Variants in TMEM178A observed in about 807,000 individuals in gnomAD.
TMEM178A encodes transmembrane protein 178.
TMEM178A carries 12 observed loss-of-function variants against 29.1 expected under a neutral mutation model. The observed-to-expected ratio is 0.41, with a 90% CI of 0.26 to 0.67. The LOEUF is 0.67. Ranked by LOEUF, TMEM178A falls within the 30% of genes least tolerant of loss-of-function variation. The pLI is 0.29. For missense variants in TMEM178A, 366 were observed against 419.1 expected (o/e 0.87, Z 1.11); for synonymous variants, 210 against 187.2 (o/e 1.12, Z -0.99).
At chr2:39,725,059 G>T in the TMEM178A span, among the ~76,000 whole-genome samples, 4 of 152,268 alleles carry the variant, frequency 2.6e-5, no homozygotes, top group South Asian at 2.1e-4. Context: ...CTTAAACAAA[G>T]AATTCTCCAA....
At chr2:39,734,726 A>G in the TMEM178A span, among the ~76,000 whole-genome samples, 1 of 152,300 alleles carries the variant, frequency 6.6e-6, no homozygotes, top group Middle Eastern at 3.4e-3. Context: ...TCCAAAACAG[A>G]ATTTCTGATA....
chr2:39,670,793 T>C (rs1215525233), intron 1 of TMEM178A, among the ~76,000 whole-genome samples: 3 of 152,238 alleles, frequency 2.0e-5, no homozygotes, highest in Non-Finnish European at 4.4e-5. Context: ...ATTGGAGTCA[T>C]AGAAATGACA....
chr2:39,719,900 A>T (rs72936044), downstream of TMEM178A, among the ~76,000 whole-genome samples: 5 of 152,164 alleles, frequency 3.3e-5, no homozygotes, highest in Non-Finnish European at 7.3e-5. Context: ...TTTCTTATAT[A>T]GTCAACAAAT....
intron 1 of TMEM178A, among the ~76,000 whole-genome samples, chr2:39,691,256 C>G (rs1443542222): frequency 6.6e-6 from 1 of 152,170 alleles, no homozygotes; most frequent in Non-Finnish European, 1.5e-5. Context: ...AAGAGATCTT[C>G]TCTGAGACAT....
chr2:39,710,226 A>G (rs937558350), intron 3 of TMEM178A, among the ~76,000 whole-genome samples: 1 of 152,186 alleles, frequency 6.6e-6, no homozygotes, highest in South Asian at 2.1e-4. Context: ...CAAAAACCCA[A>G]ACAATAAACT....
the TMEM178A span, among the ~76,000 whole-genome samples, chr2:39,725,968 A>G: frequency 2.0e-5 from 3 of 152,172 alleles, no homozygotes; most frequent in Admixed American, 2.0e-4. Context: ...TCACATCTCT[A>G]TAGAGCACCT....
downstream of TMEM178A, among the ~76,000 whole-genome samples, chr2:39,721,317 A>C (rs1474591637): frequency 6.6e-6 from 1 of 152,216 alleles, no homozygotes; most frequent in Non-Finnish European, 1.5e-5. Flanking sequence ...CAAGATTTCT[A>C]ATTGTCCTAA....
At chr2:39,727,300 G>A in the TMEM178A span, among the ~76,000 whole-genome samples, 1 of 152,144 alleles carries the variant, frequency 6.6e-6, no homozygotes, top group Non-Finnish European at 1.5e-5. Context: ...TAACTGCCTG[G>A]TAGCTAAGTA....
intron 1 of TMEM178A, among the ~76,000 whole-genome samples, chr2:39,676,241 GC>G (rs1670618669): frequency 6.6e-6 from 1 of 152,234 alleles, no homozygotes. Flanking sequence ...AAATGGCTTA[GC>G]CTACAAGGAA....
chr2:39,705,660 C>T (rs893347413), intron 2 of TMEM178A, among the ~76,000 whole-genome samples: 1 of 152,330 alleles, frequency 6.6e-6, no homozygotes, highest in South Asian at 2.1e-4. Flanking sequence ...GGGATGGTCT[C>T]TCTGTGGCTA....
At chr2:39,700,805 T>G (rs954721267) in intron 1 of TMEM178A, among the ~76,000 whole-genome samples, 4 of 152,002 alleles carry the variant, frequency 2.6e-5, no homozygotes, top group African/African-American at 9.7e-5. Context: ...TTTTTAATTC[T>G]TTTTGTTGTT....
chr2:39,714,889 T>G (rs1672469412), intron 3 of TMEM178A, among the ~76,000 whole-genome samples: 1 of 152,176 alleles, frequency 6.6e-6, no homozygotes, highest in African/African-American at 2.4e-5. Flanking sequence ...ATAAGCTGAG[T>G]ACTAGATTCA....
chr2:39,694,704 A>G (rs1671464738), intron 1 of TMEM178A, among the ~76,000 whole-genome samples: 1 of 152,380 alleles, frequency 6.6e-6, no homozygotes, highest in South Asian at 2.1e-4. Context: ...TGAAAAAACT[A>G]TATAAAATAT....
chr2:39,710,609 C>T (rs1672260161), intron 3 of TMEM178A, among the ~76,000 whole-genome samples: 1 of 151,836 alleles, frequency 6.6e-6, no homozygotes, highest in Non-Finnish European at 1.5e-5. Flanking sequence ...CTTGAAATTT[C>T]CTTTGCAAAC....
rs767315879 is a variant in TMEM178A at position 39,704,143 on chromosome 2, A to C, written c.463A>C (p.Ile155Leu). The change falls in exon 2 of 4, where the codon ATT becomes CTT. Residue 155 changes from isoleucine to leucine, a missense_variant. By Grantham distance (5) the Ile-to-Leu change is conservative. Coordinates refer to ENST00000281961, the MANE Select transcript of TMEM178A (RefSeq NM_152390.3). ...TTCTCAGCCCATCCGCTTGCGAAAC[A>C]TTCCTTTTAATTTAACCAAGACCAT... ...HFSQPIRLRN[I>L]PFNLTKTIQQ... 2.9e-5 allele frequency: 47 copies of C among 1,614,166 alleles called. No homozygotes were observed. Among genetic ancestry groups the C allele is most frequent in the Non-Finnish European group, 3.6e-5 (42 of 1,180,016 alleles).
chr2:39,668,889 C>T (rs1476304721), intron 1 of TMEM178A, among the ~76,000 whole-genome samples: 2 of 152,148 alleles, frequency 1.3e-5, no homozygotes, highest in African/African-American at 4.8e-5. Context: ...TTTCCTGGCT[C>T]AAAGATGATT....
intron 3 of TMEM178A, among the ~76,000 whole-genome samples, chr2:39,711,026 C>A (rs1672277522): frequency 6.6e-6 from 1 of 152,238 alleles, no homozygotes; most frequent in African/African-American, 2.4e-5. Flanking sequence ...CTTCCTCTTC[C>A]CTAGGGCCAT....
rs753728055 is a variant in TMEM178A at position 39,707,117 on chromosome 2, G to A, written c.583G>A (p.Ala195Thr). 2 of 1,614,212 alleles carry A rather than the reference G, an allele frequency of 1.2e-6. No homozygotes were observed. The highest frequency in any genetic ancestry group is 1.7e-6 in the Non-Finnish European group (2 of 1,180,022). The change falls in exon 3 of 4, where the codon GCC (alanine) becomes ACC (threonine). Residue 195 changes from alanine to threonine, a missense_variant. Physicochemically the swap from Ala to Thr is moderately conservative, Grantham distance 58. Coordinates refer to ENST00000281961, the MANE Select transcript of TMEM178A (RefSeq NM_152390.3). Reference sequence around the variant, plus strand: ...CGTCCTTCTCTGCGGCTGCATTGTGGCCACAGTCAGTTTCTTCTGGGAGGA... The same window carrying A: ...CGTCCTTCTCTGCGGCTGCATTGTGACCACAGTCAGTTTCTTCTGGGAGGA... ...VAVLLCGCIVATVSFFWEESL... is the reference protein window; with the variant it reads ...VAVLLCGCIVTTVSFFWEESL...
intron 1 of TMEM178A, among the ~76,000 whole-genome samples, chr2:39,667,625 C>A (rs1460650070): frequency 6.6e-6 from 1 of 152,154 alleles, no homozygotes; most frequent in Non-Finnish European, 1.5e-5. Context: ...AATGTGTTGG[C>A]CTTCAGAGTC....
Sources: allele counts gnomAD v4.1 joint callset (sites outside exome capture counted in the v4.1 genomes callset), GRCh38; gene constraint gnomAD v4.1.1; transcripts MANE v1.5; gene names NCBI Gene and HGNC (gene_info 2026-07-23, HGNC 2026-07-21).